The following PPIL4 variants were observed in gnomAD, a reference collection of about 807,000 sequenced individuals.
The protein encoded by PPIL4 is peptidyl-prolyl cis-trans isomerase-like 4.
A neutral mutation model predicts 69.1 loss-of-function variants in PPIL4; 50 were observed. The ratio of observed to expected loss-of-function variants is 0.72; its 90% CI spans 0.58 to 0.92. The LOEUF (loss-of-function observed/expected upper bound fraction) is 0.92, where lower values mean the gene tolerates loss of function less well. PPIL4 is among the 40% of genes least tolerant of loss of function. The probability of loss-of-function intolerance (pLI) is 0.00; values close to 1 mark genes in which losing one functional copy is unlikely to be tolerated. For missense variants in PPIL4, 480 were observed against 587.9 expected (o/e 0.82, Z 1.90); for synonymous variants, 193 against 191.6 (o/e 1.01, Z -0.06).
intron 9 of PPIL4, among the ~76,000 whole-genome samples, chr6:149,523,052 G>A (rs1027206883): frequency 3.3e-5 from 5 of 152,102 alleles, no homozygotes; most frequent in African/African-American, 9.7e-5. Context: ...AAATAATACA[G>A]GAGAATATCC....
At chr6:149,513,485 G>A (rs1284105066) in intron 11 of PPIL4, among the ~76,000 whole-genome samples, 1 of 132,192 alleles carries the variant, frequency 7.6e-6, no homozygotes, top group African/African-American at 2.9e-5. Flanking sequence ...TAGCAAAGTA[G>A]GAACAACAAA....
At chr6:149,520,228 T>C (rs1777008578) in intron 10 of PPIL4, among the ~76,000 whole-genome samples, 2 of 152,184 alleles carry the variant, frequency 1.3e-5, no homozygotes, top group Non-Finnish European at 2.9e-5. Flanking sequence ...AAATCATATA[T>C]ATATATATGC....
intron 11 of PPIL4, 146 bp downstream of exon 11, chr6:149,517,208 T>C: frequency 1.6e-6 from 1 of 606,906 alleles, no homozygotes; most frequent in Non-Finnish European, 2.9e-6. Context: ...GAGATAATGA[T>C]AAACTAAGTT....
chr6:149,541,196 G>A, intron 3 of PPIL4, 137 bp from the exon 4 acceptor site: 3 of 556,356 alleles, frequency 5.4e-6, no homozygotes. Context: ...TTTTTTTAGG[G>A]AACTTGGGGG....
Position 149,525,191 on chromosome 6 carries a change from G to T in PPIL4, c.822C>A (p.Asp274Glu). Residue 274 changes from aspartate (D) to glutamate (E), a missense_variant, in exon 9 of 13, where the codon GAC becomes GAA. Transcript: ENST00000253329. The part of the protein sequence containing the change: ...GPIRSCEVIR[D>E]WKTGESLCYA... ...AACAGAGGGACTCTCCTGTCTTCCA[G>T]TCTCGGATAACTTCACAACTGAAAG... is the stretch of plus-strand genomic sequence containing the variant. 6.4e-7 allele frequency: 1 copy of T among 1,552,498 alleles called. No homozygotes were observed. Among genetic ancestry groups the T allele is most frequent in the African/African-American group, 1.4e-5 (1 of 72,082 alleles).
At chr6:149,509,684 A>G (rs1776814560) in intron 12 of PPIL4, among the ~76,000 whole-genome samples, 1 of 152,194 alleles carries the variant, frequency 6.6e-6, no homozygotes, top group African/African-American at 2.4e-5. Context: ...AGAGTTTAGG[A>G]AAGAAAACTG....
In PPIL4 at chr6:149,521,185, T is replaced by C. The variant is rs754945753; in HGVS notation, c.871-14A>G. 2.9e-6 allele frequency: 4 copies of C among 1,387,958 alleles called. No individual in the cohort carries two copies. Among genetic ancestry groups the C allele is most frequent in the South Asian group, 1.2e-5 (1 of 82,270 alleles). 86.0% of individuals were successfully genotyped at this position (1,387,958 alleles called of 1,614,324 possible). On this transcript the variant is annotated splice_polypyrimidine_tract_variant and intron_variant, in intron 9 of 12. Coordinates refer to ENST00000253329, the MANE Select transcript of PPIL4 (RefSeq NM_139126.4). Reference sequence around the variant, plus strand: ...ACAATCTTCTTCCTGATAATAATTATAAAAACTCAAGCATAAATCTTTATG... The same window carrying C: ...ACAATCTTCTTCCTGATAATAATTACAAAAACTCAAGCATAAATCTTTATG...
intron 4 of PPIL4, among the ~76,000 whole-genome samples, chr6:149,538,234 C>T (rs991608563): frequency 5.9e-5 from 9 of 151,444 alleles, no homozygotes; most frequent in African/African-American, 2.2e-4. Flanking sequence ...CCACTGTACT[C>T]AACCTGGGTG....
intron 10 of PPIL4, 48 bp downstream of exon 10, chr6:149,521,012 C>CAA (rs373268154): frequency 2.2e-3 from 1,889 of 863,836 alleles, no homozygotes; most frequent in Middle Eastern, 2.5e-3. Context: ...GACTCCATCT[C>CAA]AAAAAAAAAA....
chr6:149,528,905 T>C (rs111986294), intron 7 of PPIL4, among the ~76,000 whole-genome samples: 3 of 152,176 alleles, frequency 2.0e-5, no homozygotes, highest in African/African-American at 7.2e-5. Flanking sequence ...GATACATCCA[T>C]ACAATGAAAC....
intron 10 of PPIL4, among the ~76,000 whole-genome samples, chr6:149,519,209 T>C (rs921673325): frequency 2.6e-5 from 4 of 152,140 alleles, no homozygotes; most frequent in African/African-American, 9.7e-5. Flanking sequence ...AAATGTAGGG[T>C]CTGTCTAAAT....
At chr6:149,534,466 T>A (rs1314300897) in intron 6 of PPIL4, among the ~76,000 whole-genome samples, 1 of 152,008 alleles carries the variant, frequency 6.6e-6, no homozygotes, top group Non-Finnish European at 1.5e-5. Context: ...GTTGTCTCAG[T>A]AGAAAAGAAA....
At chr6:149,511,570 C>T (rs1420381663) in intron 12 of PPIL4, among the ~76,000 whole-genome samples, 1 of 152,162 alleles carries the variant, frequency 6.6e-6, no homozygotes, top group African/African-American at 2.4e-5. Flanking sequence ...CCACCGTACC[C>T]AGCCTGTAAA....
Position 149,525,163 on chromosome 6 carries a change from C to A in PPIL4, c.850G>T (p.Ala284Ser), listed in dbSNP as rs767135950. ...DWKTGESLCY[A>S]FIEFEKEEDC... ...CATACCTTTTCAAATTCAATAAAAGCGTAACAGAGGGACTCTCCTGTCTTC... is the reference window on the plus strand; with the variant it reads ...CATACCTTTTCAAATTCAATAAAAGAGTAACAGAGGGACTCTCCTGTCTTC... The change falls in exon 9 of 13, where the codon GCT becomes TCT. Residue 284 changes from alanine to serine, a missense_variant. Physicochemically the swap from Ala to Ser is moderately conservative, Grantham distance 99 (BLOSUM62 1). Coordinates refer to ENST00000253329, the MANE Select transcript of PPIL4 (RefSeq NM_139126.4). The A allele has an allele frequency of 6.4e-7, 1 of 1,554,830 alleles. No homozygotes were observed. Among genetic ancestry groups the A allele is most frequent in the African/African-American group, 1.4e-5 (1 of 72,642 alleles).
intron 12 of PPIL4, among the ~76,000 whole-genome samples, chr6:149,509,477 A>AG (rs748510936): frequency 7.2e-5 from 11 of 152,184 alleles, no homozygotes; most frequent in Non-Finnish European, 1.5e-4. Context: ...CAGCACATGG[A>AG]GGGGGAAAGA....
intron 4 of PPIL4, among the ~76,000 whole-genome samples, chr6:149,538,381 T>G (rs533497593): frequency 1.3e-5 from 2 of 152,260 alleles, no homozygotes; most frequent in South Asian, 2.1e-4. Flanking sequence ...GCCTGACATG[T>G]GGCATGCACC....
intron 4 of PPIL4, among the ~76,000 whole-genome samples, chr6:149,537,218 A>G (rs1412017747): frequency 6.6e-6 from 1 of 152,170 alleles, no homozygotes; most frequent in African/African-American, 2.4e-5. Context: ...GAAATAACAA[A>G]TTTTCCATGA....
chr6:149,529,226 TA>T (rs1203329268), intron 7 of PPIL4, among the ~76,000 whole-genome samples: 75 of 131,998 alleles, frequency 5.7e-4, no homozygotes, highest in Admixed American at 5.4e-4. Context: ...AGACTTTCTC[TA>T]AAAAAAAAAA....
At chr6:149,538,677 T>C (rs1777315995) in intron 4 of PPIL4, among the ~76,000 whole-genome samples, 1 of 152,156 alleles carries the variant, frequency 6.6e-6, no homozygotes, top group African/African-American at 2.4e-5. Flanking sequence ...TGGATGACTT[T>C]GAGTGGCTCA....
Sources: allele counts gnomAD v4.1 joint callset (sites outside exome capture counted in the v4.1 genomes callset), GRCh38; gene constraint gnomAD v4.1.1; transcripts MANE v1.5; gene names NCBI Gene and HGNC (gene_info 2026-07-23, HGNC 2026-07-21).